Variants in DMD observed in about 807,000 individuals in gnomAD.
DMD encodes mutant dystrophin.
A neutral mutation model predicts 330.1 loss-of-function variants in DMD; 63 were observed. The ratio of observed to expected loss-of-function variants is 0.19; its 90% CI spans 0.16 to 0.24. The LOEUF (loss-of-function observed/expected upper bound fraction) is 0.24, where lower values mean the gene tolerates loss of function less well. Ranked by LOEUF, DMD falls within the 10% of genes least tolerant of loss-of-function variation. The pLI is 1.00. For synonymous variants in DMD, 1,223 were observed against 959.8 expected, an observed-to-expected ratio of 1.27 and a Z score of -5.07; for missense variants, 3,344 against 2,684.1, an observed-to-expected ratio of 1.25 and a Z score of -5.43.
At chrX:31,445,886 T>C (rs1001253976) in intron 59 of DMD, among the ~76,000 whole-genome samples, 1 of 112,169 alleles carries the variant, frequency 8.9e-6, no homozygotes, top group Non-Finnish European at 1.9e-5. Flanking sequence ...CAATAAGCAA[T>C]TTCTAAGGGA....
chrX:32,875,977 T>C (rs924368304), intron 2 of DMD, among the ~76,000 whole-genome samples: 1 of 111,784 alleles, frequency 8.9e-6, no homozygotes, highest in Non-Finnish European at 1.9e-5. Flanking sequence ...CCATTTTCTT[T>C]AGTTGTGGTA....
intron 60 of DMD, among the ~76,000 whole-genome samples, chrX:31,406,651 C>T (rs1261215025): frequency 1.8e-5 from 2 of 111,029 alleles, no homozygotes; most frequent in African/African-American, 6.6e-5. Context: ...AAAAGCCTCA[C>T]GAAGTTGGTT....
chrX:32,583,212 C>T (rs983201378), intron 13 of DMD, among the ~76,000 whole-genome samples: 1 of 111,956 alleles, frequency 8.9e-6, no homozygotes, highest in African/African-American at 3.3e-5. Flanking sequence ...TTACCAGATA[C>T]AGGCTGGGCC....
At chrX:31,801,321 G>A (rs1346376764) in intron 50 of DMD, among the ~76,000 whole-genome samples, 1 of 110,606 alleles carries the variant, frequency 9.0e-6, no homozygotes, top group African/African-American at 3.3e-5. Flanking sequence ...TCACTATCAC[G>A]ACAACAGCAT....
intron 47 of DMD, among the ~76,000 whole-genome samples, chrX:31,879,781 TG>T (rs1380488627): frequency 8.9e-6 from 1 of 112,006 alleles, no homozygotes; most frequent in Non-Finnish European, 1.9e-5. Flanking sequence ...GTGTGAGTAA[TG>T]TATAACGTGG....
At chrX:32,651,280 T>A (rs1183593959) in intron 9 of DMD, among the ~76,000 whole-genome samples, 2 of 109,181 alleles carry the variant, frequency 1.8e-5, no homozygotes, top group Admixed American at 9.8e-5. Context: ...GTAGCTGGGA[T>A]TACAGGCACA....
chrX:31,405,395 T>G (rs1316309609), intron 60 of DMD, among the ~76,000 whole-genome samples: 1 of 111,812 alleles, frequency 8.9e-6, no homozygotes, highest in African/African-American at 3.2e-5. Context: ...TGTAAGAAAT[T>G]TTTCAATGCA....
Position 32,517,234 on chromosome X carries a change from T to A in DMD, c.2292+774A>T, listed in dbSNP as rs996497715. 5.3e-5 allele frequency: 6 copies of A among 112,318 alleles called. 1 individual carries two copies. Among genetic ancestry groups the A allele is most frequent in the East Asian group, 2.8e-4 (1 of 3,574 alleles). 9.3% of individuals were successfully genotyped at this position (112,318 alleles called of 1,213,427 possible). ...CTTTTCATTCATAATCACTGCTTCC[T>A]TAGCTTGCCCATTTTATTTACTCTG... On this transcript the variant is annotated intron_variant, in intron 18 of 78. Transcript: ENST00000357033.
chrX:31,178,917 T>C, intron 69 of DMD, 112 bp from the exon 70 acceptor site: 1 of 965,646 alleles, frequency 1.0e-6, no homozygotes, highest in Non-Finnish European at 1.4e-6. Flanking sequence ...GAGAGTGTTG[T>C]GGTTGTGAGC....
chrX:32,735,699 A>G (rs1048964581), intron 7 of DMD, among the ~76,000 whole-genome samples: 1 of 112,094 alleles, frequency 8.9e-6, no homozygotes, highest in South Asian at 3.7e-4. Flanking sequence ...GTGCTAGGAA[A>G]ACTGGCTAGC....
intron 49 of DMD, among the ~76,000 whole-genome samples, chrX:31,824,275 T>A (rs778362997): frequency 3.1e-4 from 34 of 111,084 alleles, no homozygotes; most frequent in African/African-American, 1.0e-3. Flanking sequence ...TTTTCTTTTT[T>A]TTTTTTAGAT....
chrX:31,944,263 A>G (rs988524977), intron 45 of DMD, among the ~76,000 whole-genome samples: 2 of 111,299 alleles, frequency 1.8e-5, no homozygotes, highest in African/African-American at 6.5e-5. Context: ...ATGATGCGAG[A>G]TATGACAGCA....
intron 60 of DMD, among the ~76,000 whole-genome samples, chrX:31,439,910 T>A (rs1346457431): frequency 8.9e-6 from 1 of 111,774 alleles, no homozygotes; most frequent in African/African-American, 3.3e-5. Flanking sequence ...CACTTTTGGC[T>A]GATTTTAGTA....
intron 72 of DMD, 31 bp downstream of exon 72, chrX:31,173,508 A>G (rs755445951): frequency 1.7e-6 from 2 of 1,183,803 alleles, no homozygotes; most frequent in Admixed American, 2.2e-5. Flanking sequence ...ATTTCAATCA[A>G]TATTTGCCTG....
intron 4 of DMD, among the ~76,000 whole-genome samples, chrX:32,823,886 G>A (rs2078484978): frequency 9.0e-6 from 1 of 111,300 alleles, no homozygotes. Context: ...TGAAAATCTG[G>A]CAGGGTTTTA....
chrX:33,303,698 T>C (rs774588017), intron 1 of DMD, among the ~76,000 whole-genome samples: 72 of 111,391 alleles, frequency 6.5e-4, no homozygotes, highest in African/African-American at 2.1e-3. Context: ...ACTTCCCCCT[T>C]TGCTTGGCTC....
chrX:31,856,485 G>T (rs764691010), intron 48 of DMD, among the ~76,000 whole-genome samples: 20 of 111,992 alleles, frequency 1.8e-4, no homozygotes, highest in Non-Finnish European at 3.4e-4. Context: ...GATTACTTCT[G>T]TATTCTAAAG....
chrX:33,211,989 A>G (rs1361717671), upstream of DMD, among the ~76,000 whole-genome samples: 1 of 112,159 alleles, frequency 8.9e-6, no homozygotes, highest in Admixed American at 9.5e-5. Context: ...TCCACTGTCT[A>G]CCAAAGTTAT....
chrX:32,321,949 T>A (rs1361108914), intron 41 of DMD, among the ~76,000 whole-genome samples: 1 of 111,299 alleles, frequency 9.0e-6, no homozygotes, highest in African/African-American at 3.3e-5. Flanking sequence ...AGAAAGCCTG[T>A]TACCTAGTTT....
Sources: gnomAD v4.1 joint callset for allele counts (sites outside exome capture counted in the v4.1 genomes callset) on GRCh38, gnomAD v4.1.1 for gene constraint, MANE v1.5 for transcripts, NCBI Gene and HGNC (gene_info 2026-07-23, HGNC 2026-07-21) for gene names.